Variants in CDH17 observed in about 807,000 individuals in gnomAD.
The protein encoded by CDH17 is cadherin 17, also known as cadherin-17.
In CDH17, 67 loss-of-function variants were observed where a neutral mutation model predicts 86.3. The observed-to-expected ratio is 0.78, with a 90% CI of 0.64 to 0.95. The LOEUF is 0.95. CDH17 is among the 40% of genes least tolerant of loss of function. CDH17 has a pLI of 0.00. For synonymous variants in CDH17, 367 were observed against 366.4 expected (o/e 1.00, Z -0.02); for missense variants, 993 against 1,017.6 (o/e 0.98, Z 0.33).
intron 5 of CDH17, among the ~76,000 whole-genome samples, chr8:94,174,846 A>G (rs1813341596): frequency 6.6e-6 from 1 of 152,216 alleles, no homozygotes; most frequent in African/African-American, 2.4e-5. Flanking sequence ...AGATTAACAC[A>G]ATGCCATTTT....
intron 15 of CDH17, among the ~76,000 whole-genome samples, chr8:94,133,949 G>T (rs1418982497): frequency 3.9e-5 from 6 of 152,162 alleles, no homozygotes; most frequent in African/African-American, 1.2e-4. Flanking sequence ...TTATGTGATG[G>T]ATTATGTTTA....
Position 94,162,102 on chromosome 8 carries a change from A to G in CDH17, c.1343T>C (p.Ile448Thr), listed in dbSNP as rs978766869. The G allele has an allele frequency of 1.9e-6, 3 of 1,596,998 alleles. No individual in the cohort carries two copies. Among genetic ancestry groups the G allele is most frequent in the Non-Finnish European group, 1.7e-6 (2 of 1,164,576 alleles). ...NVIDINDQIPIFEKSDYGNLT... is the reference protein window; with the variant it reads ...NVIDINDQIPTFEKSDYGNLT... ...ACTACTCACATCTGATTTTTCAAAG[A>G]TGGGGATCTGATCATTGATATCAAT... The change falls in exon 11 of 18, where the codon ATC becomes ACC. Residue 448 changes from isoleucine (I) to threonine (T), a missense_variant. Physicochemically the swap from Ile to Thr is moderately conservative, Grantham distance 89. Transcript: ENST00000027335.
rs1267216293 is a variant in CDH17 at position 94,130,670 on chromosome 8, A to G, written c.2354T>C (p.Val785Ala). 1 of 1,613,950 alleles carries G rather than the reference A, an allele frequency of 6.2e-7. No homozygotes were observed. The highest frequency in any genetic ancestry group is 8.5e-7 in the Non-Finnish European group (1 of 1,179,898). The change falls in exon 17 of 18, where the codon GTG becomes GCG. Residue 785 changes from valine (V) to alanine (A), a missense_variant. Val to Ala is a moderately conservative substitution (Grantham distance 64). Transcript: ENST00000027335. ...CAGCAGTATACCAACTGCCATGCCC[A>G]CAGTGGGTATCCCAGTCTGGTGACC... is the stretch of plus-strand genomic sequence containing the variant. Reference protein sequence around the residue: ...PAGHQTGIPTVGMAVGILLTT... With the variant: ...PAGHQTGIPTAGMAVGILLTT...
intron 1 of CDH17, among the ~76,000 whole-genome samples, chr8:94,213,770 G>T (rs148684044): frequency 6.6e-6 from 1 of 152,236 alleles, no homozygotes; most frequent in African/African-American, 2.4e-5. Context: ...TTTTCAGTCT[G>T]CACCTCACCT....
At chr8:94,199,065 ATATATATATATATATATATTTT>A (rs1267549482) in intron 1 of CDH17, among the ~76,000 whole-genome samples, 5 of 19,490 alleles carry the variant, frequency 2.6e-4, no homozygotes, top group African/African-American at 5.6e-4. Context: ...ATATATATAT[ATATATATATATATATATATTTT>A]TTTTTTTTTA....
At chr8:94,163,442 G>C (rs747055630) in intron 10 of CDH17, among the ~76,000 whole-genome samples, 1 of 152,262 alleles carries the variant, frequency 6.6e-6, no homozygotes. Flanking sequence ...AGGACAGGAA[G>C]AGTGTAGCTG....
chr8:94,136,996 G>A (rs1812542510), intron 15 of CDH17, among the ~76,000 whole-genome samples: 1 of 152,198 alleles, frequency 6.6e-6, no homozygotes. Context: ...ATTGCTGCCT[G>A]ATCCTTCCTC....
intron 15 of CDH17, among the ~76,000 whole-genome samples, chr8:94,136,062 C>T (rs1324866794): frequency 6.6e-6 from 1 of 152,168 alleles, no homozygotes; most frequent in Non-Finnish European, 1.5e-5. Flanking sequence ...GGTAACCCGA[C>T]CTTTCTCTCT....
intron 1 of CDH17, among the ~76,000 whole-genome samples, chr8:94,199,684 T>C (rs1482993846): frequency 1.3e-5 from 2 of 152,100 alleles, no homozygotes; most frequent in African/African-American, 2.4e-5. Context: ...CAGTGGGAAG[T>C]AGAAGTCACT....
rs758491854 is a variant in CDH17, at chr8:94,146,121, C to T, written c.1974G>A (p.Met658Ile). 4.4e-6 allele frequency: 7 copies of T among 1,609,068 alleles called. No homozygotes were observed. Among genetic ancestry groups the T allele is most frequent in the South Asian group, 1.1e-5 (1 of 90,064 alleles). ...SSVSEFHLIL[M>I]DVNDNPPRLA... ...GCCTGGGAGGGTTGTCATTCACATCCATAAGGATCAGGTGGAACTCTGACA... is the reference window on the plus strand; with the variant it reads ...GCCTGGGAGGGTTGTCATTCACATCTATAAGGATCAGGTGGAACTCTGACA... Residue 658 changes from methionine (M) to isoleucine (I), a missense_variant, in exon 15 of 18, where the codon ATG becomes ATA. Physicochemically the swap from Met to Ile is conservative, Grantham distance 10. Coordinates refer to ENST00000027335, the MANE Select transcript of CDH17 (RefSeq NM_004063.4).
rs1335603272 is a variant in CDH17, at chr8:94,135,967, C to T, written c.2168-4975G>A. 3.3e-5 allele frequency among the ~76,000 whole-genome samples: 5 copies of T among 152,286 alleles called. No homozygotes were observed. The South Asian group carries it at 6.2e-4, about 19-fold the overall frequency. ...GGTTGTAAATTCTTTTCTTTAAGAA[C>T]GTTGAATATTGGCCCCCACTCTCTT... is the stretch of plus-strand genomic sequence containing the variant. On this transcript the variant is annotated intron_variant, in intron 15 of 17. Transcript: ENST00000027335.
chr8:94,195,759 A>C (rs1735976086), intron 1 of CDH17, among the ~76,000 whole-genome samples: 1 of 92,052 alleles, frequency 1.1e-5, no homozygotes, highest in Non-Finnish European at 2.3e-5. Context: ...CAGTCAAGGA[A>C]ATTTTTTTTT....
rs570893548 is a variant in CDH17 at position 94,135,072 on chromosome 8, C to A, written c.2168-4080G>T. ...TTTACATTTGCTGAGGAGTGCTTAACTTCCAATTATATGGTCAATTTTGGC... is the reference window on the plus strand; with the variant it reads ...TTTACATTTGCTGAGGAGTGCTTAAATTCCAATTATATGGTCAATTTTGGC... On this transcript the variant is annotated intron_variant, in intron 15 of 17. Transcript: ENST00000027335. Among the ~76,000 whole-genome samples the A allele has an allele frequency of 5.9e-5, 9 of 152,250 alleles. No individual in the cohort carries two copies. The East Asian group carries it at 1.5e-3, about 26-fold the overall frequency.
At chr8:94,205,334 C>T (rs770576630) in intron 1 of CDH17, among the ~76,000 whole-genome samples, 5 of 152,012 alleles carry the variant, frequency 3.3e-5, no homozygotes, top group Admixed American at 1.3e-4. Context: ...ATAAAGTTTA[C>T]GGATGAGCAT....
intron 1 of CDH17, among the ~76,000 whole-genome samples, chr8:94,204,264 C>T (rs1316872742): frequency 6.6e-6 from 1 of 152,068 alleles, no homozygotes; most frequent in Non-Finnish European, 1.5e-5. Flanking sequence ...TTTAGCCCCA[C>T]ATGCATTAGG....
chr8:94,183,720 G>A (rs527899633), intron 3 of CDH17, among the ~76,000 whole-genome samples: 25 of 151,878 alleles, frequency 1.6e-4, no homozygotes, highest in African/African-American at 4.3e-4. Flanking sequence ...GGACTTCATC[G>A]AAATTCAAAG....
chr8:94,166,858 A>C (rs891237226), intron 9 of CDH17, among the ~76,000 whole-genome samples: 3 of 152,188 alleles, frequency 2.0e-5, no homozygotes, highest in African/African-American at 7.2e-5. Flanking sequence ...AGAAGCCGGA[A>C]GAGGCAAGGA....
intron 15 of CDH17, among the ~76,000 whole-genome samples, chr8:94,132,536 GT>G (rs1336900787): frequency 1.4e-5 from 2 of 145,814 alleles, no homozygotes; most frequent in East Asian, 4.6e-4. Context: ...TTGTAAATTT[GT>G]TTGAGTTCTT....
At chr8:94,198,248 C>T (rs1465515027) in intron 1 of CDH17, among the ~76,000 whole-genome samples, 4 of 152,148 alleles carry the variant, frequency 2.6e-5, no homozygotes, top group Non-Finnish European at 4.4e-5. Flanking sequence ...TTCAGGACTC[C>T]AAGATTCATA....
Sources: allele counts gnomAD v4.1 joint callset (sites outside exome capture counted in the v4.1 genomes callset), GRCh38; gene constraint gnomAD v4.1.1; transcripts MANE v1.5; gene names NCBI Gene and HGNC (gene_info 2026-07-23, HGNC 2026-07-21).